PDE4DIP: variants seen among roughly 807,000 people sequenced by gnomAD.
PDE4DIP encodes myomegalin.
PDE4DIP carries 59 observed loss-of-function variants against 221.4 expected under a neutral mutation model. That is an observed-to-expected ratio of 0.27 (90% CI 0.22 to 0.33). The LOEUF (loss-of-function observed/expected upper bound fraction) is 0.33. PDE4DIP is among the 10% of genes least tolerant of loss of function. PDE4DIP has a pLI of 1.00. For missense variants in PDE4DIP, 1,036 were observed against 2,154.2 expected (o/e 0.48, Z 10.28); for synonymous variants, 404 against 815.9 (o/e 0.50, Z 8.60).
chr1:148,994,797 C>G (rs2063819572), intron 22 of PDE4DIP, among the ~76,000 whole-genome samples: 3 of 150,796 alleles, frequency 2.0e-5, no homozygotes, highest in Non-Finnish European at 3.0e-5. Context: ...TCCCCCTACT[C>G]TCCCTCCCCA....
intron 1 of PDE4DIP, among the ~76,000 whole-genome samples, chr1:148,926,556 G>C (rs1349802588): frequency 3.5e-5 from 5 of 144,038 alleles, no homozygotes; most frequent in Non-Finnish European, 7.6e-5. Flanking sequence ...TAAAATTATA[G>C]TTATACCTGT....
chr1:148,987,946 G>T (rs1279571443), intron 21 of PDE4DIP, among the ~76,000 whole-genome samples: 2 of 152,104 alleles, frequency 1.3e-5, no homozygotes, highest in Non-Finnish European at 2.9e-5. Context: ...TTCCCCCTAA[G>T]GCTTATTTGT....
chr1:148,982,208 A>G (rs1471499766), intron 21 of PDE4DIP: 1 of 152,234 alleles, frequency 6.6e-6, no homozygotes, highest in African/African-American at 2.4e-5. Context: ...AGCTCATGCT[A>G]TTTAGTCAGA....
At chr1:148,948,741 A>G (rs587609872) in intron 5 of PDE4DIP, among the ~76,000 whole-genome samples, 4 of 151,418 alleles carry the variant, frequency 2.6e-5, no homozygotes, top group South Asian at 2.1e-4. Context: ...AGCTTCAACA[A>G]TTCTATACAC....
chr1:149,028,671 A>T, exon 41 of PDE4DIP: 1 of 1,600,464 alleles, frequency 6.2e-7, no homozygotes, highest in South Asian at 1.1e-5. Flanking sequence ...GGCCCTGCCA[A>T]GCACCCACAT....
intron 17 of PDE4DIP, among the ~76,000 whole-genome samples, chr1:148,975,677 A>G (rs201116410): frequency 1.3e-5 from 2 of 152,098 alleles, no homozygotes; most frequent in African/African-American, 4.8e-5. Context: ...AGCTAGTTGC[A>G]TATTCAACTA....
rs782589259 is a variant in PDE4DIP, at chr1:149,010,610, A to G, written c.5080+15A>G. ...GGCCCATTCAGGTATGCAACAGCCA[A>G]TGGGGCAGAAGCTTCATCTCCTCTT... On this transcript the variant is annotated intron_variant, in intron 31 of 43. Transcript: ENST00000369354. 5 of 1,612,828 alleles carry G rather than the reference A, an allele frequency of 3.1e-6. No individual in the cohort carries two copies. Among genetic ancestry groups the G allele is most frequent in the African/African-American group, 2.7e-5 (2 of 74,894 alleles).
At chr1:148,974,969 G>C (rs193215262) in intron 17 of PDE4DIP, among the ~76,000 whole-genome samples, 1 of 88,084 alleles carries the variant, frequency 1.1e-5, no homozygotes, top group Non-Finnish European at 2.3e-5. Flanking sequence ...ACAGGAGTTC[G>C]AGACCAGCCT....
At chr1:148,932,883 C>A (rs1233601566) in intron 4 of PDE4DIP, among the ~76,000 whole-genome samples, 1 of 152,080 alleles carries the variant, frequency 6.6e-6, no homozygotes, top group Non-Finnish European at 1.5e-5. Flanking sequence ...GAGATGGAGC[C>A]CTCATAAATG....
intron 42 of PDE4DIP, 42 bp downstream of exon 45, chr1:149,029,967 T>TG (rs2076247168): frequency 1.2e-6 from 1 of 846,000 alleles, no homozygotes; most frequent in Non-Finnish European, 1.9e-6. Context: ...ACAGGCAGTC[T>TG]TCCCGATGCC....
intron 22 of PDE4DIP, chr1:148,992,456 T>C: frequency 7.3e-7 from 1 of 1,368,876 alleles, no homozygotes; most frequent in Non-Finnish European, 9.5e-7. Context: ...GAAATCTCAT[T>C]ATACAAAGAG....
chr1:148,869,777 TAAAAA>T (rs3978547), intron 3 of PDE4DIP, among the ~76,000 whole-genome samples: 2 of 68,480 alleles, frequency 2.9e-5, no homozygotes, highest in African/African-American at 7.7e-5. Flanking sequence ...TCTTGTGCTC[TAAAAA>T]AAAAAAAAAA....
At position 148,975,594 on chromosome 1, in the gene PDE4DIP, A is replaced by G. The variant is rs2060019611; in HGVS notation, c.2319+989A>G. On this transcript the variant is annotated intron_variant, in intron 17 of 43. Coordinates refer to ENST00000369354, the Ensembl canonical transcript of PDE4DIP. ...CTTATGCTTTAACTCGCTCTAGCAT[A>G]GAGTTCTCTTCAATTTTTTTTGGAA... Among the ~76,000 whole-genome samples the G allele has an allele frequency of 2.0e-5, 3 of 152,318 alleles. No homozygotes were observed. In the South Asian group the frequency reaches 6.2e-4, roughly 32 times the overall value.
chr1:148,950,507 T>C (rs1413509307), intron 5 of PDE4DIP, among the ~76,000 whole-genome samples: 4 of 152,208 alleles, frequency 2.6e-5, no homozygotes, highest in African/African-American at 7.2e-5. Flanking sequence ...GACCAGGTAA[T>C]GTATAAAGAA....
chr1:148,866,611 AGGG>A (rs1686873728), intron 2 of PDE4DIP: 1 of 35,704 alleles, frequency 2.8e-5, no homozygotes, highest in African/African-American at 1.3e-4. Context: ...GAAGGAAGGG[AGGG>A]AGGGAGGGAG....
intron 17 of PDE4DIP, among the ~76,000 whole-genome samples, chr1:148,975,311 G>A (rs372214774): frequency 0.12 from 17,034 of 142,962 alleles, 614 homozygotes; most frequent in Middle Eastern, 0.19. Flanking sequence ...AGTATAATCA[G>A]TGTTTATCAA....
rs2076176450 is a variant in PDE4DIP at position 149,029,773 on chromosome 1, T to C, written c.6814-14T>C. On this transcript the variant is annotated splice_polypyrimidine_tract_variant and intron_variant, in intron 41 of 43. Coordinates refer to ENST00000369354, the Ensembl canonical transcript of PDE4DIP. ...CTTCTGCCTGGTCAGTAAGAGTCTG[T>C]TCCTCTTATCCAGGGAGAATCAACA... The C allele has an allele frequency of 2.3e-6, 3 of 1,298,874 alleles. No individual in the cohort carries two copies. The highest frequency in any genetic ancestry group is 1.5e-5 in the African/African-American group (1 of 67,906). 80.5% of individuals were successfully genotyped at this position (1,298,874 alleles called of 1,614,324 possible). A position where few individuals can be genotyped will look rare whatever the true frequency, so the allele number is the denominator to read the frequency against.
At chr1:148,979,179 C>T (rs1487843776) in intron 19 of PDE4DIP, among the ~76,000 whole-genome samples, 3 of 152,156 alleles carry the variant, frequency 2.0e-5, no homozygotes, top group South Asian at 2.1e-4. Flanking sequence ...TCATCTGTCT[C>T]ACTAACTACT....
intron 19 of PDE4DIP, among the ~76,000 whole-genome samples, chr1:148,978,909 T>G (rs1437849356): frequency 6.6e-6 from 1 of 152,116 alleles, no homozygotes; most frequent in Non-Finnish European, 1.5e-5. Context: ...TTTGTAGTTC[T>G]GAAAAGAGCA....
Sources: allele counts gnomAD v4.1 joint callset (sites outside exome capture counted in the v4.1 genomes callset), GRCh38; gene constraint gnomAD v4.1.1; transcripts MANE v1.5; gene names NCBI Gene and HGNC (gene_info 2026-07-23, HGNC 2026-07-21).